Variants in RLIM observed in about 807,000 individuals in gnomAD.
RLIM encodes the protein ring finger protein, LIM domain interacting.
RLIM carries 2 observed loss-of-function variants against 34.0 expected under a neutral mutation model. That is an observed-to-expected ratio of 0.06 (90% CI 0.02 to 0.19). The LOEUF is 0.19. RLIM is among the 10% of genes least tolerant of loss of function. RLIM has a pLI of 1.00. For missense variants in RLIM, 286 were observed against 479.7 expected (o/e 0.60, Z 3.77); for synonymous variants, 169 against 164.0 (o/e 1.03, Z -0.23).
rs1215990265 is a variant in RLIM at position 74,587,407 on chromosome X, C to CT, written c.*4032dup. ...GAATAAAAGTGCCCTGCAAACATGG[C>CT]TTCTATGTACTTAATATGGTAAAAC... On this transcript the variant is annotated 3_prime_UTR_variant, in exon 4 of 4. Transcript: ENST00000332687. The CT allele has an allele frequency of 2.7e-5, 3 of 110,795 alleles. No homozygotes were observed. The highest frequency in any genetic ancestry group is 9.8e-5 in the African/African-American group (3 of 30,462). The allele number at this position is 110,795 out of a possible 1,213,427, so 9.1% of individuals were successfully genotyped here. A position where few individuals can be genotyped will look rare whatever the true frequency, so the allele number is the denominator to read the frequency against.
At chrX:74,606,566 G>A (rs750223688) in intron 1 of RLIM, among the ~76,000 whole-genome samples, 1 of 111,562 alleles carries the variant, frequency 9.0e-6, no homozygotes, top group South Asian at 3.7e-4. Context: ...TCTAATCCAT[G>A]CACACCAAAC....
At chrX:74,612,545 C>A (rs924952481) in intron 1 of RLIM, 10 of 111,668 alleles carry the variant, frequency 9.0e-5, no homozygotes, top group Admixed American at 7.6e-4. Flanking sequence ...GCATTCTACA[C>A]ATAAATCATC....
Position 74,583,034 on chromosome X carries a change from T to C in RLIM, c.*8406A>G, listed in dbSNP as rs371406235. 1.0e-5 allele frequency: 7 copies of C among 686,247 alleles called. No individual in the cohort carries two copies. Among genetic ancestry groups the C allele is most frequent in the Middle Eastern group, 3.3e-4 (1 of 3,042 alleles). 56.6% of individuals were successfully genotyped at this position (686,247 alleles called of 1,213,427 possible). A position where few individuals can be genotyped will look rare whatever the true frequency, so the allele number is the denominator to read the frequency against. ...TTCCATATTTAAGTTTTTCGATGTT[T>C]AGATATTTTTCTTTGGTGAAGCACA... On this transcript the variant is annotated 3_prime_UTR_variant, in exon 4 of 4. Transcript: ENST00000332687.
intron 1 of RLIM, among the ~76,000 whole-genome samples, chrX:74,613,671 AGTT>A (rs1471464773): frequency 1.0e-5 from 1 of 98,960 alleles, no homozygotes; most frequent in Non-Finnish European, 2.0e-5. Flanking sequence ...GGAGGGATTG[AGTT>A]GTTGGTGGAT....
Position 74,589,424 on chromosome X carries a change from A to G in RLIM, c.*2016T>C, listed in dbSNP as rs2079602979. On this transcript the variant is annotated 3_prime_UTR_variant, in exon 4 of 4. Coordinates refer to ENST00000332687, the MANE Select transcript of RLIM (RefSeq NM_016120.4). ...TTTTTAAAAAGATAAAATGTATTAC[A>G]TAAGCGCCATAAACAGTGAAATCTG... 2 of 111,914 alleles carry G rather than the reference A, an allele frequency of 1.8e-5. No individual in the cohort carries two copies. Among genetic ancestry groups the G allele is most frequent in the South Asian group, 7.4e-4 (2 of 2,718 alleles). The allele number at this position is 111,914 out of a possible 1,213,427, so 9.2% of individuals were successfully genotyped here.
rs997978697 is a variant in RLIM at position 74,595,696 on chromosome X, T to C, written c.169+113A>G. 3.9e-5 allele frequency: 19 copies of C among 491,102 alleles called. 1 individual carries two copies. In the South Asian group the frequency reaches 8.6e-4, roughly 22 times the overall value. The allele number at this position is 491,102 out of a possible 1,213,427, so 40.5% of individuals were successfully genotyped here. A position where few individuals can be genotyped will look rare whatever the true frequency, so the allele number is the denominator to read the frequency against. On this transcript the variant is annotated intron_variant, in intron 2 of 3. Coordinates refer to ENST00000332687, the MANE Select transcript of RLIM (RefSeq NM_016120.4). ...AATAAATGTCATTCCATATCCCCTATGTTAAATAATATTTCATAAGGGCTA... is the reference window on the plus strand; with the variant it reads ...AATAAATGTCATTCCATATCCCCTACGTTAAATAATATTTCATAAGGGCTA...
At chrX:74,603,073 G>C (rs944170002) in intron 1 of RLIM, among the ~76,000 whole-genome samples, 12 of 109,757 alleles carry the variant, frequency 1.1e-4, no homozygotes, top group Non-Finnish European at 5.7e-5. Flanking sequence ...ATTAAAAAGA[G>C]GATTCCTTAT....
At chrX:74,612,850 G>A (rs965492745) in intron 1 of RLIM, among the ~76,000 whole-genome samples, 17 of 111,494 alleles carry the variant, frequency 1.5e-4, no homozygotes, top group African/African-American at 4.9e-4. Flanking sequence ...GACAATTTAC[G>A]TTTTATTATA....
At position 74,591,436 on chromosome X, in the gene RLIM, T is replaced by C; in HGVS notation, c.*4A>G. ...AGCTACATAGCTGAGAGTTCAGATC[T>C]TAATTACACAACACTTTCTCTGTTA... On this transcript the variant is annotated 3_prime_UTR_variant, in exon 4 of 4. Coordinates refer to ENST00000332687, the MANE Select transcript of RLIM (RefSeq NM_016120.4). The C allele has an allele frequency of 1.7e-6, 2 of 1,201,123 alleles. No homozygotes were observed. The highest frequency in any genetic ancestry group is 2.3e-6 in the Non-Finnish European group (2 of 886,571).
At chrX:74,609,878 C>T (rs188128938) in intron 1 of RLIM, among the ~76,000 whole-genome samples, 1 of 111,900 alleles carries the variant, frequency 8.9e-6, no homozygotes, top group East Asian at 2.8e-4. Context: ...TCAGAAGGGA[C>T]CTTTTGTCAT....
rs2079611581 is a variant in RLIM, at chrX:74,591,251, G to C, written c.*189C>G. On this transcript the variant is annotated 3_prime_UTR_variant, in exon 4 of 4. Transcript: ENST00000332687. ...TCAGATTTTTAGGTCCTATAACGTG[G>C]CTTTTAAAATATTTCCTTTTATTCT... The C allele has an allele frequency of 2.3e-6, 1 of 426,926 alleles. No individual in the cohort carries two copies. The allele number at this position is 426,926 out of a possible 1,213,427, so 35.2% of individuals were successfully genotyped here. A position where few individuals can be genotyped will look rare whatever the true frequency, so the allele number is the denominator to read the frequency against.
At position 74,589,943 on chromosome X, in the gene RLIM, G is replaced by A. The variant is rs913939518; in HGVS notation, c.*1497C>T. The A allele has an allele frequency of 4.5e-5, 5 of 111,795 alleles. No individual in the cohort carries two copies. The highest frequency in any genetic ancestry group is 1.6e-4 in the African/African-American group (5 of 30,790). 9.2% of individuals were successfully genotyped at this position (111,795 alleles called of 1,213,427 possible). On this transcript the variant is annotated 3_prime_UTR_variant, in exon 4 of 4. Coordinates refer to ENST00000332687, the MANE Select transcript of RLIM (RefSeq NM_016120.4). ...TCAGCAGTCTCATTTTCATATATGG[G>A]CAGCACAATTAAAATTTGAATTTCA...
At position 74,592,990 on chromosome X, in the gene RLIM, C is replaced by T. The variant is rs778007999; in HGVS notation, c.325G>A (p.Gly109Arg). Residue 109 changes from glycine (G) to arginine (R), a missense_variant, in exon 4 of 4, where the codon GGA (glycine) becomes AGA (arginine). By Grantham distance (125) the Gly-to-Arg change is moderately radical. Around this residue, in one of 6 missense-constraint regions of RLIM, gnomAD observed 8 missense variants for 34.0 expected, o/e 0.24. Transcript: ENST00000332687. ...CTTTGCCCACTTCTTGTTGTATTTC[C>T]AGTTTGTCTGACAGAGTTAAGCCAG... ...IDWLNSVRQT[G>R]NTTRSGQRGN... 8.3e-7 allele frequency: 1 copy of T among 1,208,064 alleles called. No individual in the cohort carries two copies. Among genetic ancestry groups the T allele is most frequent in the African/African-American group, 1.8e-5 (1 of 57,088 alleles).
rs1399290823 is a variant in RLIM at position 74,587,326 on chromosome X, C to T, written c.*4114G>A. ...ACATGTGCCTTAACAATCTTGCATACTAAGGTACAGAATACTTCAGAAAGT... is the reference window on the plus strand; with the variant it reads ...ACATGTGCCTTAACAATCTTGCATATTAAGGTACAGAATACTTCAGAAAGT... On this transcript the variant is annotated 3_prime_UTR_variant, in exon 4 of 4. Coordinates refer to ENST00000332687, the MANE Select transcript of RLIM (RefSeq NM_016120.4). 1 of 110,803 alleles carries T rather than the reference C, an allele frequency of 9.0e-6. No individual in the cohort carries two copies. Among genetic ancestry groups the T allele is most frequent in the East Asian group, 2.8e-4 (1 of 3,523 alleles). 9.1% of individuals were successfully genotyped at this position (110,803 alleles called of 1,213,427 possible).
chrX:74,608,757 G>C (rs772437962), intron 1 of RLIM, among the ~76,000 whole-genome samples: 1 of 112,154 alleles, frequency 8.9e-6, no homozygotes, highest in Non-Finnish European at 1.9e-5. Context: ...CTCTAAAACA[G>C]TTAAAACTGA....
chrX:74,611,266 T>C (rs180828562), intron 1 of RLIM, among the ~76,000 whole-genome samples: 45 of 111,793 alleles, frequency 4.0e-4, no homozygotes, highest in Middle Eastern at 9.2e-3. Flanking sequence ...GGCTGGTGAT[T>C]TGCTCTATTT....
chrX:74,607,945 G>T (rs1256015850), intron 1 of RLIM, among the ~76,000 whole-genome samples: 1 of 112,676 alleles, frequency 8.9e-6, no homozygotes, highest in East Asian at 2.8e-4. Flanking sequence ...CATTACGTAT[G>T]TAGGCACCAA....
chrX:74,602,793 A>G (rs2147378486), intron 1 of RLIM, among the ~76,000 whole-genome samples: 1 of 111,179 alleles, frequency 9.0e-6, no homozygotes, highest in African/African-American at 3.3e-5. Flanking sequence ...GCATCATAAA[A>G]GAAATGGATG....
Position 74,604,791 on chromosome X carries a change from T to C in RLIM, c.-23-8791A>G, listed in dbSNP as rs372607061. Among the ~76,000 whole-genome samples the C allele has an allele frequency of 5.4e-4, 60 of 111,668 alleles. 3 individuals carry two copies. In the East Asian group the frequency reaches 7.9e-3, roughly 15 times the overall value. ...TTCCGTTCCATGAAAGAGGGAATTC[T>C]AAATTTTATTTAATTCAAAATTTTA... On this transcript the variant is annotated intron_variant, in intron 1 of 3. Coordinates refer to ENST00000332687, the MANE Select transcript of RLIM (RefSeq NM_016120.4).
Sources: allele counts gnomAD v4.1 joint callset (sites outside exome capture counted in the v4.1 genomes callset), GRCh38; gene constraint gnomAD v4.1.1; regional missense constraint gnomAD v4.1.1; transcripts MANE v1.5; gene names NCBI Gene and HGNC (gene_info 2026-07-23, HGNC 2026-07-21).